LRRC4C: variants seen among roughly 807,000 people sequenced by gnomAD.
The protein encoded by LRRC4C is leucine-rich repeat-containing protein 4C.
In LRRC4C, 5 loss-of-function variants were observed where a neutral mutation model predicts 33.6. That is an observed-to-expected ratio of 0.15 (90% CI 0.08 to 0.31). The LOEUF (loss-of-function observed/expected upper bound fraction) is 0.31. Among genes scored for constraint, LRRC4C ranks in the 10% least tolerant of loss-of-function variants. LRRC4C has a pLI of 1.00. For missense variants in LRRC4C, 560 were observed against 796.7 expected (o/e 0.70, Z 3.58); for synonymous variants, 329 against 302.0 (o/e 1.09, Z -0.93).
At chr11:40,945,337 T>A (rs2136644788) in intron 1 of LRRC4C, among the ~76,000 whole-genome samples, 1 of 152,228 alleles carries the variant, frequency 6.6e-6, no homozygotes, top group South Asian at 2.1e-4. Context: ...GCAGTTTTTC[T>A]TCTCTCCTGG....
chr11:41,216,748 T>C (rs1565487506), intron 1 of LRRC4C, among the ~76,000 whole-genome samples: 2 of 152,182 alleles, frequency 1.3e-5, no homozygotes, highest in South Asian at 2.1e-4. Flanking sequence ...GTGAAAAATA[T>C]AATACACTGA....
At chr11:41,146,866 C>G (rs1943749687) in intron 1 of LRRC4C, among the ~76,000 whole-genome samples, 1 of 152,206 alleles carries the variant, frequency 6.6e-6, no homozygotes, top group South Asian at 2.1e-4. Flanking sequence ...TTCCAAAAGA[C>G]AACTCCACTG....
chr11:41,048,552 T>A (rs1211331185), intron 1 of LRRC4C, among the ~76,000 whole-genome samples: 1 of 152,122 alleles, frequency 6.6e-6, no homozygotes, highest in Non-Finnish European at 1.5e-5. Context: ...CGTGAGCCAC[T>A]GCGCCCAGCC....
intron 2 of LRRC4C, among the ~76,000 whole-genome samples, chr11:40,732,198 A>G (rs1008767033): frequency 3.9e-5 from 6 of 152,196 alleles, no homozygotes; most frequent in Non-Finnish European, 8.8e-5. Flanking sequence ...AGTTTGTGCA[A>G]CCATTATCAG....
chr11:40,996,684 C>T (rs1415315813), intron 1 of LRRC4C, among the ~76,000 whole-genome samples: 2 of 152,038 alleles, frequency 1.3e-5, no homozygotes, highest in African/African-American at 4.8e-5. Flanking sequence ...AGCATGGTGC[C>T]AGCATCTGCT....
At chr11:40,352,320 TA>T (rs1396832530) in intron 3 of LRRC4C, among the ~76,000 whole-genome samples, 3 of 152,006 alleles carry the variant, frequency 2.0e-5, no homozygotes, top group African/African-American at 7.2e-5. Context: ...ACCATTATTT[TA>T]AACACATGAC....
intron 2 of LRRC4C, among the ~76,000 whole-genome samples, chr11:40,921,138 G>A (rs1957158786): frequency 6.6e-6 from 1 of 151,968 alleles, no homozygotes. Context: ...GTCAGGACTG[G>A]TCTCAATCTC....
chr11:40,178,763 C>T (rs1860729504), intron 5 of LRRC4C, among the ~76,000 whole-genome samples: 1 of 152,158 alleles, frequency 6.6e-6, no homozygotes. Flanking sequence ...GGTTTCCTCG[C>T]TGTGGGGTTG....
At chr11:41,409,509 G>C (rs1156825444) in intron 1 of LRRC4C, among the ~76,000 whole-genome samples, 1 of 152,118 alleles carries the variant, frequency 6.6e-6, no homozygotes, top group Non-Finnish European at 1.5e-5. Context: ...ACAACATTAT[G>C]AGAATTTACT....
intron 1 of LRRC4C, among the ~76,000 whole-genome samples, chr11:41,386,597 T>G (rs1196353231): frequency 1.3e-5 from 2 of 151,776 alleles, no homozygotes; most frequent in African/African-American, 2.4e-5. Context: ...TCATCAATTG[T>G]ATTCCTTCAA....
intron 3 of LRRC4C, among the ~76,000 whole-genome samples, chr11:40,616,453 A>G (rs1468446432): frequency 2.6e-5 from 4 of 151,798 alleles, no homozygotes; most frequent in African/African-American, 7.3e-5. Flanking sequence ...ATAAAGACAC[A>G]TGCATGCATA....
At chr11:40,731,409 G>A (rs1947578951) in intron 2 of LRRC4C, among the ~76,000 whole-genome samples, 1 of 152,100 alleles carries the variant, frequency 6.6e-6, no homozygotes, top group African/African-American at 2.4e-5. Context: ...GACTGCTCCT[G>A]CTTTACCTTC....
At chr11:40,932,245 T>C (rs1300528830) in intron 2 of LRRC4C, among the ~76,000 whole-genome samples, 2 of 152,144 alleles carry the variant, frequency 1.3e-5, no homozygotes, top group African/African-American at 2.4e-5. Flanking sequence ...CTAATATTTA[T>C]TTATTTAATT....
chr11:40,426,152 C>T (rs909076884), intron 3 of LRRC4C, among the ~76,000 whole-genome samples: 2 of 151,692 alleles, frequency 1.3e-5, no homozygotes, highest in African/African-American at 2.4e-5. Flanking sequence ...TAGCTGGGAC[C>T]ACAGTTGCAT....
intron 3 of LRRC4C, among the ~76,000 whole-genome samples, chr11:40,380,630 T>C (rs1432996019): frequency 6.6e-6 from 1 of 152,204 alleles, no homozygotes; most frequent in African/African-American, 2.4e-5. Context: ...TTGGTGAGAT[T>C]CATGAGATAA....
intron 5 of LRRC4C, among the ~76,000 whole-genome samples, chr11:40,144,245 T>C (rs921910862): frequency 1.3e-5 from 2 of 152,304 alleles, no homozygotes; most frequent in African/African-American, 4.8e-5. Flanking sequence ...GATAATTATC[T>C]GAGAGTTAAT....
chr11:40,449,125 G>A (rs556830629), intron 3 of LRRC4C, among the ~76,000 whole-genome samples: 85 of 151,752 alleles, frequency 5.6e-4, no homozygotes, highest in African/African-American at 2.0e-3. Flanking sequence ...TTAAGTTCTT[G>A]GTAGATTCAG....
chr11:40,762,598 A>G (rs888895150), intron 2 of LRRC4C, among the ~76,000 whole-genome samples: 3 of 152,118 alleles, frequency 2.0e-5, no homozygotes. Flanking sequence ...ATATGCCAAC[A>G]TGAATAAAAA....
chr11:40,811,012 T>C (rs1270363865), intron 2 of LRRC4C, among the ~76,000 whole-genome samples: 1 of 152,206 alleles, frequency 6.6e-6, no homozygotes, highest in African/African-American at 2.4e-5. Flanking sequence ...CAGACCTCTG[T>C]CTTTCTCTCC....
Sources: allele counts gnomAD v4.1 joint callset (sites outside exome capture counted in the v4.1 genomes callset), GRCh38; gene constraint gnomAD v4.1.1; transcripts MANE v1.5; gene names NCBI Gene and HGNC (gene_info 2026-07-23, HGNC 2026-07-21).